PAQR8: variants seen among roughly 807,000 people sequenced by gnomAD.
PAQR8 encodes progestin and adipoQ receptor family member 8, also known as membrane progestin receptor beta.
Under a neutral mutation model 25.2 loss-of-function variants are expected in PAQR8, and 17 were observed. The ratio of observed to expected loss-of-function variants is 0.67; its 90% CI spans 0.46 to 1.01. The LOEUF (loss-of-function observed/expected upper bound fraction) is 1.01, where lower values mean the gene tolerates loss of function less well. PAQR8 is among the 50% of genes least tolerant of loss of function. PAQR8 has a pLI of 0.00. For missense variants in PAQR8, 392 were observed against 448.4 expected, an observed-to-expected ratio of 0.87 and a Z score of 1.14; for synonymous variants, 204 against 190.6, an observed-to-expected ratio of 1.07 and a Z score of -0.58.
In PAQR8 at chr6:52,398,209, T is replaced by C. The variant is rs550121763; in HGVS notation, c.-52-4953T>C. 8.7e-3 allele frequency among the ~76,000 whole-genome samples: 1,065 copies of C among 122,830 alleles called. 5 individuals carry two copies. Among genetic ancestry groups the C allele is most frequent in the Non-Finnish European group, 0.016 (797 of 50,018 alleles). 80.6% of individuals were successfully genotyped at this position (122,830 alleles called of 152,430 possible). On this transcript the variant is annotated intron_variant, in intron 1 of 1. Transcript: ENST00000442253. ...GAATTTTTCTTTTCTTTTTTCTTTT[T>C]TTTTTTTTTTTTTTGAGGCAGAGTT...
At chr6:52,400,795 T>C (rs1763821660) in intron 1 of PAQR8, among the ~76,000 whole-genome samples, 1 of 152,196 alleles carries the variant, frequency 6.6e-6, no homozygotes, top group African/African-American at 2.4e-5. Flanking sequence ...TTTGTGTTGA[T>C]TCCCCTACAT....
intron 1 of PAQR8, among the ~76,000 whole-genome samples, chr6:52,393,879 T>C (rs1207373116): frequency 6.6e-6 from 1 of 152,052 alleles, no homozygotes. Flanking sequence ...ACAGGGACCA[T>C]TTGAGATGGG....
intron 1 of PAQR8, among the ~76,000 whole-genome samples, chr6:52,386,546 A>G (rs1581793647): frequency 6.6e-6 from 1 of 152,240 alleles, no homozygotes; most frequent in Non-Finnish European, 1.5e-5. Flanking sequence ...CAGCAACATT[A>G]TCTTAAGTGA....
At position 52,406,613 on chromosome 6, in the gene PAQR8, A is replaced by T. The variant is rs1309271764; in HGVS notation, c.*2335A>T. On this transcript the variant is annotated 3_prime_UTR_variant, in exon 2 of 2. Coordinates refer to ENST00000442253, the MANE Select transcript of PAQR8 (RefSeq NM_133367.5). ...GGTCTTACTCTGTCGCCCAGGCTGG[A>T]GTGCAGTGATGCAATCACGGCTCAC... 22 of 411,048 alleles carry T rather than the reference A, an allele frequency of 5.4e-5. No individual in the cohort carries two copies. In the East Asian group the frequency reaches 7.8e-4, roughly 15 times the overall value. The allele number at this position is 411,048 out of a possible 1,614,324, so 25.5% of individuals were successfully genotyped here.
At position 52,362,431 on chromosome 6, in the gene PAQR8, G is replaced by T; in HGVS notation, c.-53+182G>T. 6.6e-6 allele frequency: 1 copy of T among 152,620 alleles called. No homozygotes were observed. The highest frequency in any genetic ancestry group is 1.5e-5 in the Non-Finnish European group (1 of 68,274). The allele number at this position is 152,620 out of a possible 1,614,324, so 9.5% of individuals were successfully genotyped here. A position where few individuals can be genotyped will look rare whatever the true frequency, so the allele number is the denominator to read the frequency against. ...CAGCGTTGGGAACCTGAGGCCAGGG[G>T]CCGGAGTTTAGGGCCCCGATGTTGA... On this transcript the variant is annotated intron_variant, in intron 1 of 1. Transcript: ENST00000442253. This position sits in a 1 kb window ranked among gnomAD's most constrained non-coding sequence, Gnocchi z 4.1.
rs1251418624 is a variant in PAQR8, at chr6:52,403,238, C to A, written c.25C>A (p.Leu9Met). 2 of 1,605,468 alleles carry A rather than the reference C, an allele frequency of 1.2e-6. No homozygotes were observed. Among genetic ancestry groups the A allele is most frequent in the East Asian group, 4.5e-5 (2 of 44,552 alleles). Residue 9 changes from leucine (L) to methionine (M), a missense_variant, in exon 2 of 2, where the codon CTG (leucine) becomes ATG (methionine). Leu to Met is a conservative substitution (Grantham distance 15). Transcript: ENST00000442253. Reference sequence around the variant, plus strand: ...CATGACGACCGCCATCTTGGAGCGCCTGAGCACCCTGTCGGTCAGCGGGCA... The same window carrying A: ...CATGACGACCGCCATCTTGGAGCGCATGAGCACCCTGTCGGTCAGCGGGCA... Reference protein sequence around the residue: MTTAILERLSTLSVSGQQL... With the variant: MTTAILERMSTLSVSGQQL...
chr6:52,374,008 T>C (rs1461381133), intron 1 of PAQR8, among the ~76,000 whole-genome samples: 1 of 152,132 alleles, frequency 6.6e-6, no homozygotes, highest in Admixed American at 6.5e-5. Flanking sequence ...TCATGAGATC[T>C]GGTTGTCTAA....
intron 1 of PAQR8, among the ~76,000 whole-genome samples, chr6:52,368,378 T>C (rs373163323): frequency 6.6e-6 from 1 of 152,232 alleles, no homozygotes; most frequent in African/African-American, 2.4e-5. Context: ...CCCCAGACCA[T>C]TGTTTGCGAG....
At chr6:52,365,754 T>A (rs1325474695) in intron 1 of PAQR8, among the ~76,000 whole-genome samples, 1 of 152,190 alleles carries the variant, frequency 6.6e-6, no homozygotes, top group Non-Finnish European at 1.5e-5. Context: ...GACAATTAGT[T>A]ATTTTTTATT....
intron 1 of PAQR8, among the ~76,000 whole-genome samples, chr6:52,374,579 A>C (rs1028992070): frequency 6.6e-6 from 1 of 152,006 alleles, no homozygotes; most frequent in Admixed American, 6.6e-5. Context: ...ATGCCCAGCT[A>C]ATTTTTTGCA....
At position 52,405,286 on chromosome 6, in the gene PAQR8, G is replaced by T. The variant is rs1763894620; in HGVS notation, c.*1008G>T. On this transcript the variant is annotated 3_prime_UTR_variant, in exon 2 of 2. Transcript: ENST00000442253. ...TATTTCAAGAGGAACCCAAAGTCCAGCCTCCTACATAGATGCTGCCCCACG... is the reference window on the plus strand; with the variant it reads ...TATTTCAAGAGGAACCCAAAGTCCATCCTCCTACATAGATGCTGCCCCACG... 6.0e-6 allele frequency: 1 copy of T among 167,096 alleles called. No individual in the cohort carries two copies. The highest frequency in any genetic ancestry group is 6.5e-5 in the Admixed American group (1 of 15,292). 10.4% of individuals were successfully genotyped at this position (167,096 alleles called of 1,614,324 possible).
chr6:52,395,653 A>C (rs1368466940), intron 1 of PAQR8, among the ~76,000 whole-genome samples: 3 of 152,278 alleles, frequency 2.0e-5, no homozygotes, highest in African/African-American at 7.2e-5. Context: ...TATAAGGTAG[A>C]AAATACGTGT....
At position 52,362,693 on chromosome 6, in the gene PAQR8, G is replaced by A. The variant is rs949768986; in HGVS notation, c.-53+444G>A. Among the ~76,000 whole-genome samples the A allele has an allele frequency of 4.6e-5, 7 of 152,156 alleles. No homozygotes were observed. Among genetic ancestry groups the A allele is most frequent in the Non-Finnish European group, 1.0e-4 (7 of 68,024 alleles). ...GACAGGGCAGAACGAGGGGCGTCCT[G>A]TCCGCATTTGTGGGGCGCCCTCCGC... On this transcript the variant is annotated intron_variant, in intron 1 of 1. Transcript: ENST00000442253. The surrounding 1 kb of genome is among the most constrained non-coding windows in gnomAD (Gnocchi z 4.1).
intron 1 of PAQR8, among the ~76,000 whole-genome samples, chr6:52,381,708 A>G (rs1316464525): frequency 6.6e-6 from 1 of 152,222 alleles, no homozygotes; most frequent in Non-Finnish European, 1.5e-5. Context: ...TCTGAACACA[A>G]TTCTTATAAA....
intron 1 of PAQR8, among the ~76,000 whole-genome samples, chr6:52,378,385 G>A (rs1380182971): frequency 2.0e-5 from 3 of 152,242 alleles, no homozygotes; most frequent in Non-Finnish European, 4.4e-5. Flanking sequence ...TTCTCTTTTG[G>A]TAGTGTTCAT....
chr6:52,401,307 A>G (rs1360059672), intron 1 of PAQR8, among the ~76,000 whole-genome samples: 1 of 152,208 alleles, frequency 6.6e-6, no homozygotes, highest in Non-Finnish European at 1.5e-5. Context: ...TGCTTGCTGT[A>G]TGTGCTCCAT....
At chr6:52,393,369 T>A (rs572329225) in intron 1 of PAQR8, among the ~76,000 whole-genome samples, 1 of 144,614 alleles carries the variant, frequency 6.9e-6, no homozygotes, top group South Asian at 2.3e-4. Flanking sequence ...GGCGTCTTGC[T>A]CTGTTGTCCA....
At chr6:52,379,733 T>C (rs917114340) in intron 1 of PAQR8, among the ~76,000 whole-genome samples, 14 of 150,590 alleles carry the variant, frequency 9.3e-5, no homozygotes, top group African/African-American at 3.4e-4. Context: ...TTCACGCCAT[T>C]CTCCTGCTTC....
At chr6:52,363,507 G>T (rs376812774) in intron 1 of PAQR8, among the ~76,000 whole-genome samples, 1 of 152,130 alleles carries the variant, frequency 6.6e-6, no homozygotes, top group Non-Finnish European at 1.5e-5. Flanking sequence ...TTAGACCCAC[G>T]TGTGTACTAC....
Sources: allele counts gnomAD v4.1 joint callset (sites outside exome capture counted in the v4.1 genomes callset), GRCh38; gene constraint gnomAD v4.1.1; non-coding constraint Gnocchi (gnomAD v3.1); transcripts MANE v1.5; gene names NCBI Gene and HGNC (gene_info 2026-07-23, HGNC 2026-07-21).